Variants in EPM2A observed in about 807,000 individuals in gnomAD.
EPM2A encodes the protein laforin.
EPM2A carries 21 observed loss-of-function variants against 26.5 expected under a neutral mutation model. The ratio of observed to expected loss-of-function variants is 0.79; its 90% CI spans 0.56 to 1.14. EPM2A has a LOEUF of 1.14. Among genes scored for constraint, EPM2A ranks in the 50% most tolerant of loss-of-function variants. The pLI is 0.00. For synonymous variants in EPM2A, 217 were observed against 177.6 expected (o/e 1.22, Z -1.76); for missense variants, 458 against 440.8 (o/e 1.04, Z -0.35).
At chr6:145,485,951 C>T (rs540229037) in intron 4 of EPM2A, among the ~76,000 whole-genome samples, 197 of 152,286 alleles carry the variant, frequency 1.3e-3, no homozygotes, top group Non-Finnish European at 2.2e-3. Flanking sequence ...GGAAACTGCC[C>T]TCATGATTCG....
At chr6:145,678,124 G>A (rs770105147) in intron 2 of EPM2A, among the ~76,000 whole-genome samples, 8 of 152,202 alleles carry the variant, frequency 5.3e-5, no homozygotes, top group South Asian at 2.1e-4. Flanking sequence ...AAATAACACC[G>A]CACTTCTACA....
At chr6:145,562,929 C>T (rs1780828451) in intron 2 of EPM2A, among the ~76,000 whole-genome samples, 1 of 151,158 alleles carries the variant, frequency 6.6e-6, no homozygotes, top group African/African-American at 2.4e-5. Context: ...CTTCTGCTTG[C>T]ACCATAGAAG....
At chr6:145,593,213 C>T (rs1472450937) in intron 2 of EPM2A, among the ~76,000 whole-genome samples, 1 of 152,040 alleles carries the variant, frequency 6.6e-6, no homozygotes, top group Non-Finnish European at 1.5e-5. Flanking sequence ...TAAAGGAGGA[C>T]ATTACATAAT....
rs1293539722 is a variant in EPM2A at position 145,686,255 on chromosome 6, T to TAG, written c.342_343insCT (p.Asn115LeufsTer13). The TAG allele has an allele frequency of 6.2e-7, 1 of 1,614,034 alleles. No individual in the cohort carries two copies. The highest frequency in any genetic ancestry group is 8.5e-7 in the Non-Finnish European group (1 of 1,179,924). On this transcript the variant is annotated frameshift_variant, in exon 2 of 4. Transcript: ENST00000367519. LOFTEE classifies it high-confidence loss of function. ...CAATACACACCATCCACCAAGTTGT[T>TAG]TTCATTGTAAGTACAGCAACGGTCA...
chr6:145,734,052 G>GA (rs1776664614), intron 1 of EPM2A, among the ~76,000 whole-genome samples: 1 of 119,608 alleles, frequency 8.4e-6, no homozygotes, highest in Admixed American at 9.1e-5. Context: ...TTAATGAAGT[G>GA]TTAAAAAAAA....
chr6:145,557,715 C>T (rs1780747783), intron 2 of EPM2A, among the ~76,000 whole-genome samples: 1 of 151,918 alleles, frequency 6.6e-6, no homozygotes, highest in Non-Finnish European at 1.5e-5. Context: ...TATGTATAAC[C>T]TCATATACTT....
At chr6:145,644,724 T>C (rs1777334451) in intron 2 of EPM2A, among the ~76,000 whole-genome samples, 1 of 152,066 alleles carries the variant, frequency 6.6e-6, no homozygotes, top group Admixed American at 6.5e-5. Flanking sequence ...CCCTGGGAAG[T>C]TTTGCTTCTT....
chr6:145,445,218 G>A (rs1012196502), intron 4 of EPM2A, among the ~76,000 whole-genome samples: 13 of 151,892 alleles, frequency 8.6e-5, no homozygotes, highest in Non-Finnish European at 1.8e-4. Flanking sequence ...AGGCATGTGT[G>A]GCCTTCTAGA....
At chr6:145,627,788 G>A in intron 3 of EPM2A, 95 bp from the exon 4 acceptor site, 1 of 1,530,982 alleles carries the variant, frequency 6.5e-7, no homozygotes, top group Non-Finnish European at 8.8e-7. Context: ...TCACAGGGCT[G>A]CACAGGGCCA....
At chr6:145,601,283 C>T (rs1312361986) in intron 2 of EPM2A, among the ~76,000 whole-genome samples, 1 of 152,122 alleles carries the variant, frequency 6.6e-6, no homozygotes, top group Non-Finnish European at 1.5e-5. Context: ...ATCCACTTCA[C>T]CTGTTGTTTT....
intron 1 of EPM2A, among the ~76,000 whole-genome samples, chr6:145,690,670 C>A: frequency 6.7e-6 from 1 of 149,570 alleles, no homozygotes. Context: ...AGGCCAACAC[C>A]AAGAGAACAA....
chr6:145,519,325 T>C (rs1226819483), intron 2 of EPM2A, among the ~76,000 whole-genome samples: 2 of 152,058 alleles, frequency 1.3e-5, no homozygotes, highest in Non-Finnish European at 2.9e-5. Flanking sequence ...AAGTGAATGG[T>C]AGAGAAAAGG....
intron 4 of EPM2A, among the ~76,000 whole-genome samples, chr6:145,423,973 A>T (rs761726754): frequency 6.6e-6 from 1 of 152,200 alleles, no homozygotes; most frequent in South Asian, 2.1e-4. Flanking sequence ...AGTGTCTCTG[A>T]TATGAGATGA....
chr6:145,726,493 G>GA (rs1328648301), intron 1 of EPM2A, among the ~76,000 whole-genome samples: 1 of 152,024 alleles, frequency 6.6e-6, no homozygotes, highest in Admixed American at 6.6e-5. Context: ...GAAATATGGG[G>GA]AAAACACAAC....
At chr6:145,698,650 T>C (rs1781749746) in intron 1 of EPM2A, among the ~76,000 whole-genome samples, 1 of 151,770 alleles carries the variant, frequency 6.6e-6, no homozygotes, top group Non-Finnish European at 1.5e-5. Flanking sequence ...TAAAATTTAA[T>C]CGTGCATTTT....
chr6:145,572,828 C>A (rs1356384030), intron 2 of EPM2A, among the ~76,000 whole-genome samples: 1 of 152,154 alleles, frequency 6.6e-6, no homozygotes, highest in African/African-American at 2.4e-5. Flanking sequence ...GTTCTGGAAC[C>A]CACTCAAAAC....
intron 2 of EPM2A, among the ~76,000 whole-genome samples, chr6:145,525,937 A>T (rs534765252): frequency 2.7e-4 from 41 of 152,068 alleles, no homozygotes; most frequent in Non-Finnish European, 5.6e-4. Context: ...TTTGTCAGAG[A>T]TGACTCTTAT....
chr6:145,430,704 T>G (rs756921807), intron 4 of EPM2A, among the ~76,000 whole-genome samples: 2 of 152,144 alleles, frequency 1.3e-5, no homozygotes, highest in Non-Finnish European at 2.9e-5. Context: ...TTTAATTCCA[T>G]CTGTCTGATA....
intron 4 of EPM2A, among the ~76,000 whole-genome samples, chr6:145,486,641 G>C (rs1779681905): frequency 6.6e-6 from 1 of 151,876 alleles, no homozygotes; most frequent in Non-Finnish European, 1.5e-5. Flanking sequence ...TTGTGGTTCA[G>C]TGTGCTATCT....
Sources: gnomAD v4.1 joint callset for allele counts (sites outside exome capture counted in the v4.1 genomes callset) on GRCh38, gnomAD v4.1.1 for gene constraint, MANE v1.5 for transcripts, NCBI Gene and HGNC (gene_info 2026-07-23, HGNC 2026-07-21) for gene names.